ARHGAP15: variants seen among roughly 807,000 people sequenced by gnomAD.
ARHGAP15 encodes Rho GTPase activating protein 15, also known as rho GTPase-activating protein 15.
In ARHGAP15, 51 loss-of-function variants were observed where a neutral mutation model predicts 63.7. The observed-to-expected ratio is 0.80, with a 90% CI of 0.64 to 1.01. The LOEUF is 1.01. Ranked by LOEUF, ARHGAP15 falls within the 50% of genes least tolerant of loss-of-function variation. ARHGAP15 has a pLI of 0.00. For missense variants in ARHGAP15, 560 were observed against 564.6 expected (o/e 0.99, Z 0.08); for synonymous variants, 191 against 193.8 (o/e 0.99, Z 0.12).
intron 11 of ARHGAP15, among the ~76,000 whole-genome samples, chr2:143,585,881 A>G (rs1335916514): frequency 6.6e-6 from 1 of 152,006 alleles, no homozygotes; most frequent in Non-Finnish European, 1.5e-5. Flanking sequence ...TATTTTACCA[A>G]GTTTTCTCTG....
chr2:143,681,739 A>G (rs898417977), intron 12 of ARHGAP15, among the ~76,000 whole-genome samples: 1 of 152,170 alleles, frequency 6.6e-6, no homozygotes, highest in Non-Finnish European at 1.5e-5. Context: ...ACCTGCAAGA[A>G]TTTTTCACTC....
chr2:143,578,852 C>T (rs1696779050), intron 11 of ARHGAP15, among the ~76,000 whole-genome samples: 1 of 152,064 alleles, frequency 6.6e-6, no homozygotes, highest in Non-Finnish European at 1.5e-5. Flanking sequence ...AATAGATGAG[C>T]TAATATGATA....
chr2:143,192,160 C>A (rs1039780921), intron 2 of ARHGAP15, among the ~76,000 whole-genome samples: 5 of 152,174 alleles, frequency 3.3e-5, no homozygotes, highest in Admixed American at 1.3e-4. Flanking sequence ...TTGGTTTTGG[C>A]CATTGGGTAT....
chr2:143,362,755 G>T (rs1174536404), intron 6 of ARHGAP15, among the ~76,000 whole-genome samples: 1 of 152,046 alleles, frequency 6.6e-6, no homozygotes, highest in Non-Finnish European at 1.5e-5. Flanking sequence ...TAAAAATCTA[G>T]GATTCATTCG....
At chr2:143,468,101 T>C (rs1408470708) in intron 8 of ARHGAP15, among the ~76,000 whole-genome samples, 1 of 152,096 alleles carries the variant, frequency 6.6e-6, no homozygotes, top group African/African-American at 2.4e-5. Flanking sequence ...TATTACTTCA[T>C]AGCATCAATT....
intron 13 of ARHGAP15, among the ~76,000 whole-genome samples, chr2:143,714,947 C>A (rs947459954): frequency 6.6e-6 from 1 of 152,226 alleles, no homozygotes. Context: ...ACTGCTCCAA[C>A]CTCTGCCTGT....
chr2:143,208,516 G>T (rs907735160), intron 3 of ARHGAP15, among the ~76,000 whole-genome samples: 2 of 152,158 alleles, frequency 1.3e-5, no homozygotes, highest in Non-Finnish European at 2.9e-5. Flanking sequence ...AAATTTCAGA[G>T]TGGAAACTAC....
At chr2:143,305,722 G>A (rs1683137673) in intron 6 of ARHGAP15, among the ~76,000 whole-genome samples, 1 of 151,954 alleles carries the variant, frequency 6.6e-6, no homozygotes, top group Admixed American at 6.6e-5. Flanking sequence ...TCTTCTTATT[G>A]CAGCGTTTAA....
chr2:143,318,094 G>A (rs1413435122), intron 6 of ARHGAP15, among the ~76,000 whole-genome samples: 1 of 151,858 alleles, frequency 6.6e-6, no homozygotes, highest in Non-Finnish European at 1.5e-5. Context: ...CGCCTCCCGG[G>A]TTCAAGCAAT....
At chr2:143,516,165 T>C (rs1693809664) in intron 9 of ARHGAP15, among the ~76,000 whole-genome samples, 1 of 152,228 alleles carries the variant, frequency 6.6e-6, no homozygotes. Flanking sequence ...ATACTGCCTC[T>C]ACTGGGCAAA....
chr2:143,671,239 CT>C (rs991152513), intron 12 of ARHGAP15, among the ~76,000 whole-genome samples: 5 of 151,806 alleles, frequency 3.3e-5, no homozygotes, highest in Non-Finnish European at 5.9e-5. Flanking sequence ...AAAAGTTAGG[CT>C]TTTTTAATTA....
intron 13 of ARHGAP15, among the ~76,000 whole-genome samples, chr2:143,765,075 TTATC>T (rs1686900808): frequency 6.6e-6 from 1 of 151,144 alleles, no homozygotes; most frequent in Non-Finnish European, 1.5e-5. Flanking sequence ...AATTGATTAT[TTATC>T]TTATCTATCT....
chr2:143,426,223 CTA>C (rs1689132249), intron 6 of ARHGAP15, among the ~76,000 whole-genome samples: 2 of 152,114 alleles, frequency 1.3e-5, no homozygotes, highest in African/African-American at 4.8e-5. Context: ...TATCTTTAGA[CTA>C]TATCACCACC....
chr2:143,642,901 G>A (rs1035062929), intron 12 of ARHGAP15, among the ~76,000 whole-genome samples: 4 of 152,072 alleles, frequency 2.6e-5, no homozygotes, highest in African/African-American at 9.7e-5. Flanking sequence ...AATGATTTTG[G>A]AGACAGCAGT....
intron 8 of ARHGAP15, among the ~76,000 whole-genome samples, chr2:143,446,673 A>C (rs1312698739): frequency 6.6e-6 from 1 of 151,722 alleles, no homozygotes; most frequent in Non-Finnish European, 1.5e-5. Flanking sequence ...ACATGTGCAC[A>C]ATGTGCAGGT....
chr2:143,488,762 A>AT (rs1692439764), intron 9 of ARHGAP15, among the ~76,000 whole-genome samples: 1 of 152,226 alleles, frequency 6.6e-6, no homozygotes, highest in Non-Finnish European at 1.5e-5. Flanking sequence ...GATCTGAAAA[A>AT]TTAGCTAGCA....
intron 10 of ARHGAP15, among the ~76,000 whole-genome samples, chr2:143,524,445 G>C (rs1170303322): frequency 6.6e-6 from 1 of 152,092 alleles, no homozygotes; most frequent in African/African-American, 2.4e-5. Context: ...ATTCCAAACT[G>C]TTTACAACCC....
intron 1 of ARHGAP15, among the ~76,000 whole-genome samples, chr2:143,141,247 C>T (rs1263888120): frequency 6.6e-6 from 1 of 151,988 alleles, no homozygotes; most frequent in Non-Finnish European, 1.5e-5. Context: ...ATGCTCATGG[C>T]CTGGGGGAGT....
intron 10 of ARHGAP15, among the ~76,000 whole-genome samples, chr2:143,540,025 G>T (rs1694971793): frequency 1.3e-5 from 2 of 152,178 alleles, no homozygotes; most frequent in Admixed American, 6.5e-5. Flanking sequence ...GAGTCTCTTT[G>T]TAGGTCACTA....
Sources: gnomAD v4.1 joint callset for allele counts (sites outside exome capture counted in the v4.1 genomes callset) on GRCh38, gnomAD v4.1.1 for gene constraint, MANE v1.5 for transcripts, NCBI Gene and HGNC (gene_info 2026-07-23, HGNC 2026-07-21) for gene names.